Variants in COL23A1 observed in about 807,000 individuals in gnomAD.
COL23A1 encodes collagen alpha-1(XXIII) chain.
Under a neutral mutation model 99.3 loss-of-function variants are expected in COL23A1, and 97 were observed. The ratio of observed to expected loss-of-function variants is 0.98; its 90% CI spans 0.83 to 1.16. The LOEUF (loss-of-function observed/expected upper bound fraction) is 1.16. Among genes scored for constraint, COL23A1 ranks in the 50% most tolerant of loss-of-function variants. The pLI, the probability that COL23A1 is intolerant of heterozygous loss-of-function variation, is 0.00. For synonymous variants in COL23A1, 320 were observed against 308.2 expected, an observed-to-expected ratio of 1.04 and a Z score of -0.40; for missense variants, 762 against 757.4, an observed-to-expected ratio of 1.01 and a Z score of -0.07.
At chr5:178,377,160 C>T (rs950226691) in intron 2 of COL23A1, among the ~76,000 whole-genome samples, 2 of 152,196 alleles carry the variant, frequency 1.3e-5, no homozygotes, top group Admixed American at 1.3e-4. Flanking sequence ...CAGCAGTGGG[C>T]AGCGGGTAGG....
rs571373717 is a variant in COL23A1 at position 178,535,981 on chromosome 5, T to A, written c.361+24701A>T. Among the ~76,000 whole-genome samples, 8 of 152,336 alleles carry A rather than the reference T, an allele frequency of 5.3e-5. No individual in the cohort carries two copies. In the South Asian group the frequency reaches 1.4e-3, roughly 28 times the overall value. On this transcript the variant is annotated intron_variant, in intron 2 of 28. Transcript: ENST00000390654. ...CAGGACCCGAGAGGGTCATGACCCA[T>A]CAGGGCAAGGGCCAGGCCCCGGGCC...
At position 178,287,758 on chromosome 5, in the gene COL23A1, G is replaced by A. The variant is rs545608743; in HGVS notation, c.441+566C>T. 5.3e-5 allele frequency among the ~76,000 whole-genome samples: 8 copies of A among 152,298 alleles called. No individual in the cohort carries two copies. The South Asian group carries it at 1.5e-3, about 28-fold the overall frequency. ...CAGGACCTCCGGATGCTGCTGCCAC[G>A]ACCCTCAACCCCCGCACAGGACCTG... is the stretch of plus-strand genomic sequence containing the variant. On this transcript the variant is annotated intron_variant, in intron 5 of 28. Coordinates refer to ENST00000390654, the MANE Select transcript of COL23A1 (RefSeq NM_173465.4).
chr5:178,421,429 G>A lies in COL23A1; in HGVS notation c.362-114510C>T, dbSNP rs141973039. On this transcript the variant is annotated intron_variant, in intron 2 of 28. Coordinates refer to ENST00000390654, the MANE Select transcript of COL23A1 (RefSeq NM_173465.4). ...GTAATTATATCTGTGTAGGGAAACC[G>A]AATTTGGTAATGGATTAAAGTCTCA... Among the ~76,000 whole-genome samples the A allele has an allele frequency of 5.5e-4, 84 of 152,232 alleles. 1 individual carries two copies. The East Asian group carries it at 0.015, about 28-fold the overall frequency.
intron 16 of COL23A1, among the ~76,000 whole-genome samples, chr5:178,253,182 C>A (rs1373988608): frequency 6.6e-6 from 1 of 152,188 alleles, no homozygotes; most frequent in Non-Finnish European, 1.5e-5. Flanking sequence ...CAGGGCCCAG[C>A]TGGCCCCCTG....
chr5:178,357,892 T>TG lies in COL23A1; in HGVS notation c.362-50974dup, dbSNP rs1691740574. The stretch of plus-strand genomic sequence containing the variant: ...ATGTGTGTGCATGTGTACGTGTGTG[T>TG]GTATGTGTGTCTAATGTGTGTGTAT... On this transcript the variant is annotated intron_variant, in intron 2 of 28. Transcript: ENST00000390654. Among the ~76,000 whole-genome samples the TG allele has an allele frequency of 2.0e-5, 3 of 148,286 alleles. No individual in the cohort carries two copies. The South Asian group carries it at 6.4e-4, about 32-fold the overall frequency.
intron 2 of COL23A1, among the ~76,000 whole-genome samples, chr5:178,417,822 C>T (rs1000070475): frequency 1.1e-4 from 17 of 152,210 alleles, no homozygotes; most frequent in African/African-American, 1.4e-4. Flanking sequence ...GAAACGAGGA[C>T]GTTCTGAACC....
At position 178,255,008 on chromosome 5, in the gene COL23A1, C is replaced by A. The variant is rs1245044728; in HGVS notation, c.901G>T (p.Gly301Cys). ...AGPRGAPGLK[G>C]EQGDTVVIDY... ...ATCACCACTGTGTCTCCCTGCTCGCCCTTGAGGCCTGGGGCACCCTGAGGC... is the reference window on the plus strand; with the variant it reads ...ATCACCACTGTGTCTCCCTGCTCGCACTTGAGGCCTGGGGCACCCTGAGGC... The change falls in exon 16 of 29, where the codon GGC becomes TGC. Residue 301 changes from glycine to cysteine, a missense_variant. Gly to Cys is a radical substitution (Grantham distance 159). Coordinates refer to ENST00000390654, the MANE Select transcript of COL23A1 (RefSeq NM_173465.4). This position sits in a 1 kb window ranked among gnomAD's most constrained non-coding sequence, Gnocchi z 4.2. 6.2e-7 allele frequency: 1 copy of A among 1,613,622 alleles called. No homozygotes were observed.
chr5:178,493,631 AG>A (rs1758049909), intron 2 of COL23A1, among the ~76,000 whole-genome samples: 1 of 152,254 alleles, frequency 6.6e-6, no homozygotes, highest in South Asian at 2.1e-4. Flanking sequence ...CACACCTCCA[AG>A]GTTCCAGAGA....
chr5:178,250,208 C>A, intron 17 of COL23A1, 103 bp from the exon 18 acceptor site: 1 of 1,379,214 alleles, frequency 7.3e-7, no homozygotes, highest in South Asian at 1.2e-5. Flanking sequence ...CAGGGTGGGT[C>A]TTTGCAGTTG....
intron 12 of COL23A1, among the ~76,000 whole-genome samples, chr5:178,258,441 G>A (rs1215748390): frequency 7.3e-6 from 1 of 137,268 alleles, no homozygotes; most frequent in Non-Finnish European, 1.5e-5. Context: ...CTGTCGCCCA[G>A]GTTGGAGTGC....
At chr5:178,314,659 C>T (rs948911020) in intron 2 of COL23A1, among the ~76,000 whole-genome samples, 3 of 152,168 alleles carry the variant, frequency 2.0e-5, no homozygotes, top group Non-Finnish European at 4.4e-5. Context: ...CAAGAGCCGC[C>T]GGCACCATTT....
chr5:178,584,687 G>A (rs1315641457), intron 1 of COL23A1, among the ~76,000 whole-genome samples: 3 of 152,206 alleles, frequency 2.0e-5, no homozygotes, highest in Non-Finnish European at 4.4e-5. Flanking sequence ...GGATTTGGAG[G>A]CCACAGTCAG....
At chr5:178,474,229 G>C (rs1756912246) in intron 2 of COL23A1, among the ~76,000 whole-genome samples, 1 of 152,200 alleles carries the variant, frequency 6.6e-6, no homozygotes, top group African/African-American at 2.4e-5. Flanking sequence ...CAGAAAGCCA[G>C]AATTTTGTCT....
intron 2 of COL23A1, among the ~76,000 whole-genome samples, chr5:178,326,469 G>A (rs1275381915): frequency 6.6e-6 from 1 of 150,872 alleles, no homozygotes; most frequent in Non-Finnish European, 1.5e-5. Context: ...CCCAGCCCCA[G>A]CTTGCTGGGA....
chr5:178,438,820 G>T (rs1766705166), intron 2 of COL23A1: 1 of 152,112 alleles, frequency 6.6e-6, no homozygotes, highest in African/African-American at 2.4e-5. Flanking sequence ...TGACTCTTGG[G>T]TCCAAACAAG....
chr5:178,528,317 G>A (rs1363750114), intron 2 of COL23A1, among the ~76,000 whole-genome samples: 2 of 152,176 alleles, frequency 1.3e-5, no homozygotes, highest in African/African-American at 4.8e-5. Flanking sequence ...ACCTGTGGTG[G>A]TTTCTGCTGT....
intron 2 of COL23A1, among the ~76,000 whole-genome samples, chr5:178,360,810 G>A (rs779535378): frequency 7.9e-5 from 12 of 152,226 alleles, no homozygotes; most frequent in Admixed American, 2.0e-4. Flanking sequence ...TCAGGGAACC[G>A]GGGGACCCAA....
chr5:178,585,441 G>T (rs572561125), intron 1 of COL23A1, among the ~76,000 whole-genome samples: 9 of 151,586 alleles, frequency 5.9e-5, no homozygotes, highest in Non-Finnish European at 1.2e-4. Flanking sequence ...TGACACTGGG[G>T]TAACACTCCA....
chr5:178,515,407 A>G (rs1223958225), intron 2 of COL23A1, among the ~76,000 whole-genome samples: 1 of 152,206 alleles, frequency 6.6e-6, no homozygotes, highest in Non-Finnish European at 1.5e-5. Context: ...GAATCACTGC[A>G]GAGGTTTCCA....
Sources: allele counts gnomAD v4.1 joint callset (sites outside exome capture counted in the v4.1 genomes callset), GRCh38; gene constraint gnomAD v4.1.1; non-coding constraint Gnocchi (gnomAD v3.1); transcripts MANE v1.5; gene names NCBI Gene and HGNC (gene_info 2026-07-23, HGNC 2026-07-21).